Variants in NF1 observed in about 807,000 individuals in gnomAD.
NF1 encodes neurofibromin 1.
NF1 carries 122 observed loss-of-function variants against 325.7 expected under a neutral mutation model. That is an observed-to-expected ratio of 0.37 (90% CI 0.32 to 0.44). NF1 has a LOEUF of 0.44. Ranked by LOEUF, NF1 falls within the 20% of genes least tolerant of loss-of-function variation. The probability of loss-of-function intolerance (pLI) is 1.00; values close to 1 mark genes in which losing one functional copy is unlikely to be tolerated. For synonymous variants in NF1, 1,091 were observed against 1,186.0 expected, an observed-to-expected ratio of 0.92 and a Z score of 1.65; for missense variants, 2,140 against 3,415.4, an observed-to-expected ratio of 0.63 and a Z score of 9.31.
Position 31,336,348 on chromosome 17 carries a change from G to A in NF1, c.6022G>A (p.Asp2008Asn), listed in dbSNP as rs786201924. ...CTTCAACTAGATTACAGATCTGCTT[G>A]ATGTTGTACTAGACAGTTTCATCAA... is the stretch of plus-strand genomic sequence containing the variant. ...GSLGQITDLL[D>N]VVLDSFIKTS... The change falls in exon 41 of 58, where the codon GAT (aspartate) becomes AAT (asparagine). Residue 2008 changes from aspartate (D) to asparagine (N), a missense_variant. By Grantham distance (23) the Asp-to-Asn change is conservative. This residue lies in a region of NF1 where 180 missense variants were observed against 435.1 expected (regional missense o/e 0.41). Transcript: ENST00000358273. This position sits in a 1 kb window ranked among gnomAD's most constrained non-coding sequence, Gnocchi z 5.5. The A allele has an allele frequency of 6.2e-7, 1 of 1,614,024 alleles. No homozygotes were observed. The highest frequency in any genetic ancestry group is 8.5e-7 in the Non-Finnish European group (1 of 1,179,972).
chr17:31,270,982 T>C (rs866017146), intron 36 of NF1, among the ~76,000 whole-genome samples: 1 of 152,238 alleles, frequency 6.6e-6, no homozygotes, highest in Non-Finnish European at 1.5e-5. Flanking sequence ...AAGTGTTTCA[T>C]TTATTACTAA....
chr17:31,302,691 CA>C (rs2068603285), intron 36 of NF1, among the ~76,000 whole-genome samples: 1 of 151,462 alleles, frequency 6.6e-6, no homozygotes, highest in South Asian at 2.1e-4. Context: ...AAAAAAATAC[CA>C]AAATTAGCCA....
At chr17:31,321,965 G>A (rs2069206056) in intron 36 of NF1, 1 of 152,146 alleles carries the variant, frequency 6.6e-6, no homozygotes, top group South Asian at 2.1e-4. Context: ...GAAAATGTGA[G>A]TTTGGAGTCC....
intron 5 of NF1, among the ~76,000 whole-genome samples, chr17:31,180,968 C>A (rs2066119234): frequency 6.6e-6 from 1 of 152,136 alleles, no homozygotes; most frequent in East Asian, 1.9e-4. Context: ...AAACAGAGAG[C>A]CAAATCATGA....
At chr17:31,159,893 G>A (rs2065732509) in intron 3 of NF1, among the ~76,000 whole-genome samples, 1 of 151,982 alleles carries the variant, frequency 6.6e-6, no homozygotes, top group Admixed American at 6.5e-5. Flanking sequence ...ATTCAGAATT[G>A]CTTCCCTCTT....
chr17:31,216,912 C>T lies in NF1; in HGVS notation c.1528-2093C>T, dbSNP rs1226413080. Among the ~76,000 whole-genome samples, 3 of 152,178 alleles carry T rather than the reference C, an allele frequency of 2.0e-5. No individual in the cohort carries two copies. In the East Asian group the frequency reaches 5.8e-4, roughly 29 times the overall value. ...TACTCTTAACATAGTAATTCCTACTCATTCTAAGCTATTGTCACTGCACTA... is the reference window on the plus strand; with the variant it reads ...TACTCTTAACATAGTAATTCCTACTTATTCTAAGCTATTGTCACTGCACTA... On this transcript the variant is annotated intron_variant, in intron 13 of 57. Transcript: ENST00000358273.
At chr17:31,252,872 A>G in intron 30 of NF1, 66 bp from the exon 31 acceptor site, 1 of 1,286,388 alleles carries the variant, frequency 7.8e-7, no homozygotes, top group Non-Finnish European at 1.1e-6. Flanking sequence ...TGTACAAGCC[A>G]ACATTGTTTT....
In NF1 at chr17:31,259,129, G is replaced by A. The variant is rs1060500293; in HGVS notation, c.4430G>A (p.Arg1477Lys). The A allele has an allele frequency of 1.3e-6, 2 of 1,593,872 alleles. No homozygotes were observed. The highest frequency in any genetic ancestry group is 1.7e-6 in the Non-Finnish European group (2 of 1,166,354). The change falls in exon 33 of 58, where the codon AGG becomes AAG. Residue 1477 changes from arginine to lysine, a missense_variant and splice_region_variant. By Grantham distance (26) the Arg-to-Lys change is conservative. Around this residue, in one of 10 missense-constraint regions of NF1, gnomAD observed 336 missense variants for 399.0 expected, o/e 0.84. Transcript: ENST00000358273. ...AAAAGCAACTTTGATGCAGCACGCAGGTAATTTTCTTGCCACTTACTCAGT... is the reference window on the plus strand; with the variant it reads ...AAAAGCAACTTTGATGCAGCACGCAAGTAATTTTCTTGCCACTTACTCAGT... ...FVKSNFDAARRFFLDIASDCP... is the reference protein window; with the variant it reads ...FVKSNFDAARKFFLDIASDCP...
intron 1 of NF1, among the ~76,000 whole-genome samples, chr17:31,128,694 G>A (rs532734639): frequency 3.6e-4 from 54 of 152,054 alleles, no homozygotes; most frequent in Admixed American, 7.9e-4. Context: ...AGGCCGAGGC[G>A]GGCAGATCAT....
chr17:31,232,265 A>AT (rs2067126345), intron 25 of NF1, 76 bp downstream of exon 25: 26 of 886,484 alleles, frequency 2.9e-5, no homozygotes, highest in Middle Eastern at 2.2e-4. Flanking sequence ...GCAAAGAAAT[A>AT]ATACCCATGA....
intron 36 of NF1, among the ~76,000 whole-genome samples, chr17:31,325,500 A>C (rs1281225006): frequency 6.6e-6 from 1 of 152,228 alleles, no homozygotes; most frequent in Non-Finnish European, 1.5e-5. Context: ...CATTCCTACC[A>C]GACTATTCGC....
At chr17:31,109,539 A>G (rs1913222125) in intron 1 of NF1, among the ~76,000 whole-genome samples, 1 of 151,938 alleles carries the variant, frequency 6.6e-6, no homozygotes. Context: ...ACCTGTCACG[A>G]TGCCCGGCTA....
At chr17:31,298,442 C>T (rs897992014) in intron 36 of NF1, among the ~76,000 whole-genome samples, 5 of 151,982 alleles carry the variant, frequency 3.3e-5, no homozygotes, top group African/African-American at 7.2e-5. Flanking sequence ...GTTACTAAAT[C>T]GTTTGTTTTT....
rs566034583 is a variant in NF1 at position 31,375,085 on chromosome 17, C to A, written c.*930C>A. On this transcript the variant is annotated 3_prime_UTR_variant, in exon 58 of 58. Coordinates refer to ENST00000358273, the MANE Select transcript of NF1 (RefSeq NM_001042492.3). ...AATTCTGAGCAGGGTAATCAGTGAA[C>A]AAAGTGTTGAAAATTGTTCCCAGAA... 11 of 213,446 alleles carry A rather than the reference C, an allele frequency of 5.2e-5. No individual in the cohort carries two copies. The highest frequency in any genetic ancestry group is 1.9e-4 in the South Asian group (1 of 5,332). 13.2% of individuals were successfully genotyped at this position (213,446 alleles called of 1,614,324 possible).
At chr17:31,318,545 C>T in intron 36 of NF1, 1 of 1,614,058 alleles carries the variant, frequency 6.2e-7, no homozygotes. Context: ...GCCAAAACCA[C>T]AGTTGATAGA....
At chr17:31,272,907 C>A (rs2067929311) in intron 36 of NF1, 1 of 152,100 alleles carries the variant, frequency 6.6e-6, no homozygotes, top group African/African-American at 2.4e-5. Context: ...TAAAAGCTTC[C>A]CTTTCTTTGT....
At chr17:31,200,281 A>G (rs1239668946) in intron 8 of NF1, 141 bp from the exon 9 acceptor site, 13 of 711,208 alleles carry the variant, frequency 1.8e-5, no homozygotes, top group Non-Finnish European at 2.1e-5. Context: ...TACTTAAATT[A>G]TGAAATTGAA....
At chr17:31,345,104 C>T (rs2069936656) in intron 48 of NF1, among the ~76,000 whole-genome samples, 1 of 152,142 alleles carries the variant, frequency 6.6e-6, no homozygotes, top group Non-Finnish European at 1.5e-5. Context: ...GCCTTTGTGA[C>T]AGAGTGACAC....
intron 36 of NF1, chr17:31,319,098 G>C: frequency 6.9e-7 from 1 of 1,445,484 alleles, no homozygotes; most frequent in African/African-American, 1.4e-5. Flanking sequence ...GTAGTTAAAA[G>C]ATAGTGTTGA....
Sources: gnomAD v4.1 joint callset for allele counts (sites outside exome capture counted in the v4.1 genomes callset) on GRCh38, gnomAD v4.1.1 for gene constraint, gnomAD v4.1.1 regional missense constraint, Gnocchi (gnomAD v3.1) non-coding constraint, MANE v1.5 for transcripts, NCBI Gene and HGNC (gene_info 2026-07-23, HGNC 2026-07-21) for gene names.